Variants in SLC45A3 observed in about 807,000 individuals in gnomAD.
SLC45A3 encodes solute carrier family 45 member 3.
In SLC45A3, 17 loss-of-function variants were observed where a neutral mutation model predicts 35.3. The ratio of observed to expected loss-of-function variants is 0.48; its 90% CI spans 0.33 to 0.72. The LOEUF is 0.72. SLC45A3 is among the 30% of genes least tolerant of loss of function. SLC45A3 has a pLI of 0.02. For synonymous variants in SLC45A3, 288 were observed against 334.3 expected (o/e 0.86, Z 1.51); for missense variants, 597 against 731.7 (o/e 0.82, Z 2.12).
rs1219840895 is a variant in SLC45A3, at chr1:205,657,965, G to A, written c.*1269C>T. On this transcript the variant is annotated 3_prime_UTR_variant, in exon 5 of 5. Coordinates refer to ENST00000367145, the MANE Select transcript of SLC45A3 (RefSeq NM_033102.3). ...AAATAAGACGACATTATTGCAAACG[G>A]CACTTAAACCCCCCCTGAGAGATAA... is the stretch of plus-strand genomic sequence containing the variant. 2 of 221,336 alleles carry A rather than the reference G, an allele frequency of 9.0e-6. No individual in the cohort carries two copies. Among genetic ancestry groups the A allele is most frequent in the African/African-American group, 2.3e-5 (1 of 44,400 alleles). 13.7% of individuals were successfully genotyped at this position (221,336 alleles called of 1,614,324 possible).
chr1:205,661,735 T>C, intron 4 of SLC45A3, 126 bp downstream of exon 4: 2 of 1,382,452 alleles, frequency 1.4e-6, no homozygotes, highest in Non-Finnish European at 9.7e-7. Context: ...TAGGATAAGC[T>C]TCTTCTCTGA....
In SLC45A3 at chr1:205,661,500, A is replaced by T. The variant is rs552855103; in HGVS notation, c.1224+361T>A. ...GGACCATTCCCACTCCCGTCTGCTGAGGCTGAATGGCCCAGGGGTCATCTG... is the reference window on the plus strand; with the variant it reads ...GGACCATTCCCACTCCCGTCTGCTGTGGCTGAATGGCCCAGGGGTCATCTG... On this transcript the variant is annotated intron_variant, in intron 4 of 4. Coordinates refer to ENST00000367145, the MANE Select transcript of SLC45A3 (RefSeq NM_033102.3). Among the ~76,000 whole-genome samples the T allele has an allele frequency of 2.0e-5, 3 of 152,270 alleles. No homozygotes were observed. The East Asian group carries it at 5.8e-4, about 29-fold the overall frequency.
rs375360087 is a variant in SLC45A3, at chr1:205,659,621, G to A, written c.1275C>T (p.Asp425=). 1 of 1,550,484 alleles carries A rather than the reference G, an allele frequency of 6.4e-7. No homozygotes were observed. ...RGDTGGASSE[D]SLMTSFLPGP... ...CTGGCAGGAAGCTGGTCATCAGGCT[G>A]TCCTCACTGCTAGCACCTCCAGTGT... The change falls in exon 5 of 5, where the codon GAC becomes GAT. Residue 425 remains aspartate (D), a synonymous_variant. Coordinates refer to ENST00000367145, the MANE Select transcript of SLC45A3 (RefSeq NM_033102.3). This position sits in a 1 kb window ranked among gnomAD's most constrained non-coding sequence, Gnocchi z 5.8.
In SLC45A3 at chr1:205,659,302, G is replaced by A. The variant is rs1315969802; in HGVS notation, c.1594C>T (p.Leu532=). The A allele has an allele frequency of 6.2e-7, 1 of 1,614,198 alleles. No individual in the cohort carries two copies. The highest frequency in any genetic ancestry group is 1.1e-5 in the South Asian group (1 of 91,080). Residue 532 remains leucine (L), a synonymous_variant, in exon 5 of 5, where the codon CTG becomes TTG. Transcript: ENST00000367145. The surrounding 1 kb of genome is among the most constrained non-coding windows in gnomAD (Gnocchi z 5.8). Reference sequence around the variant, plus strand: ...TGTGTAGCAAAGTAAATGGCGACCAGACCCAGGCCTGCGGCAGACACCATA... The same window carrying A: ...TGTGTAGCAAAGTAAATGGCGACCAAACCCAGGCCTGCGGCAGACACCATA... The part of the protein sequence containing the change: ...AYMVSAAGLG[L]VAIYFATQVV...
intron 2 of SLC45A3, among the ~76,000 whole-genome samples, 172 bp from the exon 3 acceptor site, chr1:205,663,790 C>T (rs1174855368): frequency 6.6e-6 from 1 of 151,998 alleles, no homozygotes; most frequent in African/African-American, 2.4e-5. Flanking sequence ...ACAGATGCCC[C>T]CATTTTCAGA....
Position 205,666,453 on chromosome 1 carries a change from C to T in SLC45A3, c.-230-1567G>A, listed in dbSNP as rs148676467. Among the ~76,000 whole-genome samples, 856 of 152,220 alleles carry T rather than the reference C, an allele frequency of 5.6e-3. 1 individual carries two copies. The highest frequency in any genetic ancestry group is 0.015 in the South Asian group (74 of 4,818). On this transcript the variant is annotated intron_variant, in intron 1 of 4. Transcript: ENST00000367145. This position sits in a 1 kb window ranked among gnomAD's most constrained non-coding sequence, Gnocchi z 4.1. ...AGCCTGGGAGGTCAAGGGTGCAGCG[C>T]GCAGTGATTGGACCACTGCCTCCAG...
Position 205,658,245 on chromosome 1 carries a change from G to T in SLC45A3, c.*989C>A, listed in dbSNP as rs1313266491. ...GAGAGAGTAGAGGGGAGTGGAAGTGGGGGGAACCAGGCTGGGCCAAGAGAA... is the reference window on the plus strand; with the variant it reads ...GAGAGAGTAGAGGGGAGTGGAAGTGTGGGGAACCAGGCTGGGCCAAGAGAA... On this transcript the variant is annotated 3_prime_UTR_variant, in exon 5 of 5. Coordinates refer to ENST00000367145, the MANE Select transcript of SLC45A3 (RefSeq NM_033102.3). 4.3e-6 allele frequency: 1 copy of T among 232,820 alleles called. No homozygotes were observed. Among genetic ancestry groups the T allele is most frequent in the East Asian group, 6.0e-5 (1 of 16,552 alleles). 14.4% of individuals were successfully genotyped at this position (232,820 alleles called of 1,614,324 possible).
At position 205,659,937 on chromosome 1, in the gene SLC45A3, A is replaced by G. The variant is rs1010755283; in HGVS notation, c.1225-266T>C. Among the ~76,000 whole-genome samples, 1 of 152,158 alleles carries G rather than the reference A, an allele frequency of 6.6e-6. No homozygotes were observed. Among genetic ancestry groups the G allele is most frequent in the African/African-American group, 2.4e-5 (1 of 41,430 alleles). ...CTCCTCTAGCCTCTTAGAACAGGTAAGAGGCAGACAAACTCAATATCACAG... is the reference window on the plus strand; with the variant it reads ...CTCCTCTAGCCTCTTAGAACAGGTAGGAGGCAGACAAACTCAATATCACAG... On this transcript the variant is annotated intron_variant, in intron 4 of 4. Transcript: ENST00000367145. The surrounding 1 kb of genome is among the most constrained non-coding windows in gnomAD (Gnocchi z 5.8).
chr1:205,659,647 C>T lies in SLC45A3; in HGVS notation c.1249G>A (p.Asp417Asn), dbSNP rs538901068. ...TCCTCACTGCTAGCACCTCCAGTGT[C>T]CCCTCGGTATTTGGGCAGGAACACC... ...KQVFLPKYRG[D>N]TGGASSEDSL... is the part of the protein sequence containing the mutation. The change falls in exon 5 of 5, where the codon GAC becomes AAC. Residue 417 changes from aspartate to asparagine, a missense_variant. Around this residue, in one of 3 missense-constraint regions of SLC45A3, gnomAD observed 555 missense variants for 664.9 expected, o/e 0.83. Coordinates refer to ENST00000367145, the MANE Select transcript of SLC45A3 (RefSeq NM_033102.3). This position sits in a 1 kb window ranked among gnomAD's most constrained non-coding sequence, Gnocchi z 5.8. 1.3e-6 allele frequency: 2 copies of T among 1,529,464 alleles called. No individual in the cohort carries two copies. The highest frequency in any genetic ancestry group is 2.3e-5 in the East Asian group (1 of 44,244). 94.7% of individuals were successfully genotyped at this position (1,529,464 alleles called of 1,614,324 possible). A position where few individuals can be genotyped will look rare whatever the true frequency, so the allele number is the denominator to read the frequency against.
In SLC45A3 at chr1:205,659,056, G is replaced by GT; in HGVS notation, c.*177_*178insA. 2 of 649,918 alleles carry GT rather than the reference G, an allele frequency of 3.1e-6. No homozygotes were observed. Among genetic ancestry groups the GT allele is most frequent in the South Asian group, 4.0e-5 (2 of 50,308 alleles). 40.3% of individuals were successfully genotyped at this position (649,918 alleles called of 1,614,324 possible). A position where few individuals can be genotyped will look rare whatever the true frequency, so the allele number is the denominator to read the frequency against. ...GAGACTGGGGAGAGAGGAGAGGGAC[G>GT]CCCCAGCCCCCAGCTGTGCAGCTAC... On this transcript the variant is annotated 3_prime_UTR_variant, in exon 5 of 5. Coordinates refer to ENST00000367145, the MANE Select transcript of SLC45A3 (RefSeq NM_033102.3). This position sits in a 1 kb window ranked among gnomAD's most constrained non-coding sequence, Gnocchi z 5.8.
chr1:205,657,998 C>T lies in SLC45A3; in HGVS notation c.*1236G>A. The T allele has an allele frequency of 4.4e-6, 1 of 226,844 alleles. No homozygotes were observed. The allele number at this position is 226,844 out of a possible 1,614,324, so 14.1% of individuals were successfully genotyped here. On this transcript the variant is annotated 3_prime_UTR_variant, in exon 5 of 5. Coordinates refer to ENST00000367145, the MANE Select transcript of SLC45A3 (RefSeq NM_033102.3). The stretch of plus-strand genomic sequence containing the variant: ...ACCCCCCCTGAGAGATAAGACCTCC[C>T]TTAGCTCAGGCAGGGGGTGCTCCTG...
chr1:205,661,597 G>A (rs1388449391), intron 4 of SLC45A3, among the ~76,000 whole-genome samples: 1 of 152,150 alleles, frequency 6.6e-6, no homozygotes, highest in Non-Finnish European at 1.5e-5. Flanking sequence ...GACCCTTCGG[G>A]ATTCCCACTA....
chr1:205,661,720 G>T, intron 4 of SLC45A3, 141 bp downstream of exon 4: 1 of 1,260,576 alleles, frequency 7.9e-7, no homozygotes, highest in Non-Finnish European at 1.1e-6. Context: ...CTCTGGCCCT[G>T]GGGCTAGGAT....
intron 1 of SLC45A3, among the ~76,000 whole-genome samples, chr1:205,670,939 C>T (rs1342873202): frequency 1.3e-5 from 2 of 152,238 alleles, no homozygotes; most frequent in Non-Finnish European, 2.9e-5. Flanking sequence ...CCACTCACCC[C>T]CAATGTGTGA....
In SLC45A3 at chr1:205,659,183, G is replaced by T. The variant is rs1028229085; in HGVS notation, c.*51C>A. 2 of 1,547,076 alleles carry T rather than the reference G, an allele frequency of 1.3e-6. No individual in the cohort carries two copies. Among genetic ancestry groups the T allele is most frequent in the East Asian group, 2.3e-5 (1 of 44,372 alleles). Reference sequence around the variant, plus strand: ...GCCCCATGGGGCTAACAGGAGCGGGGAGCTGGGACCCAGTGAGGCAGGCCC... The same window carrying T: ...GCCCCATGGGGCTAACAGGAGCGGGTAGCTGGGACCCAGTGAGGCAGGCCC... On this transcript the variant is annotated 3_prime_UTR_variant, in exon 5 of 5. Transcript: ENST00000367145. The surrounding 1 kb of genome is among the most constrained non-coding windows in gnomAD (Gnocchi z 5.8).
Position 205,662,300 on chromosome 1 carries a change from C to G in SLC45A3, c.959-174G>C. ...TCTAGCAATGGGAGTCTAGGTTCTT[C>G]CACTGACCCTCAGAGAATGTGGGCA... On this transcript the variant is annotated intron_variant, in intron 3 of 4. Coordinates refer to ENST00000367145, the MANE Select transcript of SLC45A3 (RefSeq NM_033102.3). This position sits in a 1 kb window ranked among gnomAD's most constrained non-coding sequence, Gnocchi z 6.2. 1 of 1,427,346 alleles carries G rather than the reference C, an allele frequency of 7.0e-7. No individual in the cohort carries two copies. Among genetic ancestry groups the G allele is most frequent in the South Asian group, 1.5e-5 (1 of 65,896 alleles). 88.4% of individuals were successfully genotyped at this position (1,427,346 alleles called of 1,614,324 possible).
chr1:205,659,457 G>A lies in SLC45A3; in HGVS notation c.1439C>T (p.Ala480Val). 1 of 1,614,094 alleles carries A rather than the reference G, an allele frequency of 6.2e-7. No individual in the cohort carries two copies. Among genetic ancestry groups the A allele is most frequent in the Non-Finnish European group, 8.5e-7 (1 of 1,179,994 alleles). ...GATGCCCCGGCCCGGAACCACCCTG[G>A]CCTCGGTGGGCTCACCCACCACCAC... ...VRVVVGEPTE[A>V]RVVPGRGICL... The change falls in exon 5 of 5, where the codon GCC becomes GTC. Residue 480 changes from alanine to valine, a missense_variant. Ala to Val is a moderately conservative substitution (Grantham distance 64). Around this residue, in one of 3 missense-constraint regions of SLC45A3, gnomAD observed 555 missense variants for 664.9 expected, o/e 0.83. Coordinates refer to ENST00000367145, the MANE Select transcript of SLC45A3 (RefSeq NM_033102.3). The surrounding 1 kb of genome is among the most constrained non-coding windows in gnomAD (Gnocchi z 5.8).
chr1:205,675,240 T>C (rs775435822), intron 1 of SLC45A3, among the ~76,000 whole-genome samples: 3 of 152,164 alleles, frequency 2.0e-5, no homozygotes, highest in Non-Finnish European at 4.4e-5. Context: ...ACAAGGCAGG[T>C]CAGATCATTT....
intron 1 of SLC45A3, among the ~76,000 whole-genome samples, chr1:205,670,772 G>A (rs967029715): frequency 2.6e-5 from 4 of 152,146 alleles, no homozygotes; most frequent in Non-Finnish European, 5.9e-5. Flanking sequence ...TGCCAGCGCC[G>A]GCCCCTTCCC....
Sources: allele counts gnomAD v4.1 joint callset (sites outside exome capture counted in the v4.1 genomes callset), GRCh38; gene constraint gnomAD v4.1.1; regional missense constraint gnomAD v4.1.1; non-coding constraint Gnocchi (gnomAD v3.1); transcripts MANE v1.5; gene names NCBI Gene and HGNC (gene_info 2026-07-23, HGNC 2026-07-21).